The following ASTN2 variants were observed in gnomAD, a reference collection of about 807,000 sequenced individuals.
ASTN2 encodes astrotactin 2, also known as astrotactin-2.
A neutral mutation model predicts 139.8 loss-of-function variants in ASTN2; 54 were observed. That is an observed-to-expected ratio of 0.39 (90% CI 0.31 to 0.48). The LOEUF (loss-of-function observed/expected upper bound fraction) is 0.48, where lower values mean the gene tolerates loss of function less well. ASTN2 is among the 20% of genes least tolerant of loss of function. ASTN2 has a pLI of 0.95. For synonymous variants in ASTN2, 756 were observed against 719.5 expected, an observed-to-expected ratio of 1.05 and a Z score of -0.81; for missense variants, 1,565 against 1,725.1, an observed-to-expected ratio of 0.91 and a Z score of 1.64.
At chr9:116,514,731 A>G (rs1850562670) in intron 19 of ASTN2, among the ~76,000 whole-genome samples, 1 of 152,174 alleles carries the variant, frequency 6.6e-6, no homozygotes, top group African/African-American at 2.4e-5. Context: ...GCTGCCTTGC[A>G]GTTCGATCTC....
intron 6 of ASTN2, among the ~76,000 whole-genome samples, chr9:117,033,511 G>C (rs1176686280): frequency 6.6e-6 from 1 of 152,068 alleles, no homozygotes; most frequent in African/African-American, 2.4e-5. Flanking sequence ...AAATGTTTAA[G>C]TAACTAGCAC....
intron 3 of ASTN2, among the ~76,000 whole-genome samples, chr9:117,211,763 C>T (rs75608088): frequency 6.6e-6 from 1 of 152,014 alleles, no homozygotes. Context: ...CATAAACAAA[C>T]TAGCTGAAAA....
chr9:116,664,274 C>CCTCA (rs1214552112), intron 16 of ASTN2, among the ~76,000 whole-genome samples: 1 of 151,454 alleles, frequency 6.6e-6, no homozygotes, highest in Non-Finnish European at 1.5e-5. Context: ...AGGCACAGGG[C>CCTCA]CTCACTATGT....
At chr9:116,930,849 C>G (rs1029546889) in intron 10 of ASTN2, among the ~76,000 whole-genome samples, 2 of 152,132 alleles carry the variant, frequency 1.3e-5, no homozygotes, top group African/African-American at 4.8e-5. Context: ...TTCCCCCGCC[C>G]CTCCATTAGA....
intron 5 of ASTN2, among the ~76,000 whole-genome samples, chr9:117,042,050 G>A (rs1838592360): frequency 6.6e-6 from 1 of 152,104 alleles, no homozygotes; most frequent in African/African-American, 2.4e-5. Flanking sequence ...ACAGTGACTG[G>A]CTCATTGCAG....
chr9:116,752,141 T>G (rs1564248053), intron 13 of ASTN2, among the ~76,000 whole-genome samples: 1 of 152,058 alleles, frequency 6.6e-6, no homozygotes, highest in Non-Finnish European at 1.5e-5. Context: ...ACTGGTGAAA[T>G]GACAGAAAAA....
intron 11 of ASTN2, among the ~76,000 whole-genome samples, chr9:116,862,914 T>C (rs1281010333): frequency 6.6e-6 from 1 of 151,932 alleles, no homozygotes; most frequent in Non-Finnish European, 1.5e-5. Context: ...GGTAGAACCC[T>C]GTATCTTAGG....
At chr9:116,440,087 G>A (rs1368565869) in intron 22 of ASTN2, among the ~76,000 whole-genome samples, 1 of 152,132 alleles carries the variant, frequency 6.6e-6, no homozygotes, top group Non-Finnish European at 1.5e-5. Flanking sequence ...AATCATTCAT[G>A]GTTCCTGGCA....
At chr9:116,902,292 C>A (rs1834031933) in intron 10 of ASTN2, among the ~76,000 whole-genome samples, 1 of 150,584 alleles carries the variant, frequency 6.6e-6, no homozygotes, top group South Asian at 2.1e-4. Context: ...TAGTTTTTAA[C>A]AAGAAAAGTT....
rs542917471 is a variant in ASTN2, at chr9:116,463,667, G to C, written c.3498-21114C>G. ...ATGTAAGGGGTATAGTTTTAGTATG[G>C]AAAAGAAGACAGCTCCCTCTCCTGT... On this transcript the variant is annotated intron_variant, in intron 20 of 22. Transcript: ENST00000313400. 5.3e-5 allele frequency among the ~76,000 whole-genome samples: 8 copies of C among 152,240 alleles called. No individual in the cohort carries two copies. In the South Asian group the frequency reaches 1.7e-3, roughly 32 times the overall value.
At chr9:117,104,785 G>C (rs59971644) in intron 4 of ASTN2, among the ~76,000 whole-genome samples, 8,849 of 152,102 alleles carry the variant, frequency 0.058, 550 homozygotes, top group East Asian at 0.18. Context: ...AATAAACAAA[G>C]ATACCTAATA....
intron 13 of ASTN2, among the ~76,000 whole-genome samples, chr9:116,793,180 T>C (rs1830602102): frequency 6.6e-6 from 1 of 152,204 alleles, no homozygotes; most frequent in Non-Finnish European, 1.5e-5. Context: ...AATCATTCTA[T>C]TCCTAGGAAT....
chr9:117,364,552 C>A (rs761528010), intron 1 of ASTN2, among the ~76,000 whole-genome samples: 1 of 152,040 alleles, frequency 6.6e-6, no homozygotes, highest in Non-Finnish European at 1.5e-5. Flanking sequence ...AGGTACCCCA[C>A]GAAAGATTAT....
intron 10 of ASTN2, among the ~76,000 whole-genome samples, chr9:116,889,306 C>T (rs569592602): frequency 1.4e-4 from 21 of 152,178 alleles, no homozygotes; most frequent in Non-Finnish European, 2.8e-4. Flanking sequence ...GTGGATGTGG[C>T]CTTCCTCTCA....
chr9:116,869,843 C>G (rs1833111025), intron 10 of ASTN2, among the ~76,000 whole-genome samples: 1 of 152,032 alleles, frequency 6.6e-6, no homozygotes, highest in Non-Finnish European at 1.5e-5. Flanking sequence ...GTGGCTCATG[C>G]CTGTAATCTC....
intron 1 of ASTN2, among the ~76,000 whole-genome samples, chr9:117,389,164 G>A (rs1034528338): frequency 1.3e-5 from 2 of 152,124 alleles, no homozygotes; most frequent in African/African-American, 4.8e-5. Flanking sequence ...AATCCAAGCA[G>A]GTTAATTTCC....
rs1441530786 is a variant in ASTN2 at position 116,440,605 on chromosome 9, A to G, written c.3782+4T>C. ...CCCCTCCAATCACACAAATACGCCC[A>G]TACCTGGGCCCCAGCTCATCCTCAC... On this transcript the variant is annotated splice_donor_region_variant and intron_variant, in intron 22 of 22. Transcript: ENST00000313400. 1.2e-6 allele frequency: 2 copies of G among 1,612,828 alleles called. No homozygotes were observed. Among genetic ancestry groups the G allele is most frequent in the Admixed American group, 1.7e-5 (1 of 60,018 alleles).
intron 16 of ASTN2, among the ~76,000 whole-genome samples, chr9:116,702,625 G>A (rs1827860891): frequency 6.6e-6 from 1 of 152,074 alleles, no homozygotes; most frequent in Non-Finnish European, 1.5e-5. Context: ...GACTTAATGG[G>A]ACTCCAGTAA....
Position 116,863,709 on chromosome 9 carries a change from G to A in ASTN2, c.1914C>T (p.Tyr638=). The A allele has an allele frequency of 1.9e-6, 3 of 1,614,064 alleles. No homozygotes were observed. Residue 638 remains tyrosine (Y), a synonymous_variant, in exon 11 of 23, where the codon TAC becomes TAT. Coordinates refer to ENST00000313400, the MANE Select transcript of ASTN2 (RefSeq NM_001365068.1). ...ACAGCAGGTCATTGATGGTTTCAAAGTATGTGGACAGCATCGCTTCTTCCC... is the reference window on the plus strand; with the variant it reads ...ACAGCAGGTCATTGATGGTTTCAAAATATGTGGACAGCATCGCTTCTTCCC... ...DVREEAMLST[Y]FETINDLLSS...
Sources: allele counts gnomAD v4.1 joint callset (sites outside exome capture counted in the v4.1 genomes callset), GRCh38; gene constraint gnomAD v4.1.1; transcripts MANE v1.5; gene names NCBI Gene and HGNC (gene_info 2026-07-23, HGNC 2026-07-21).